The following ASIC2 variants were observed in gnomAD, a reference collection of about 807,000 sequenced individuals.
ASIC2 encodes acid sensing ion channel subunit 2, also known as acid-sensing ion channel 2.
Under a neutral mutation model 57.3 loss-of-function variants are expected in ASIC2, and 25 were observed. That is an observed-to-expected ratio of 0.44 (90% CI 0.32 to 0.61). The LOEUF (loss-of-function observed/expected upper bound fraction) is 0.61, where lower values mean the gene tolerates loss of function less well. ASIC2 is among the 20% of genes least tolerant of loss of function. ASIC2 has a pLI of 0.06. For missense variants in ASIC2, 641 were observed against 738.1 expected, an observed-to-expected ratio of 0.87 and a Z score of 1.52; for synonymous variants, 319 against 307.5, an observed-to-expected ratio of 1.04 and a Z score of -0.39.
intron 1 of ASIC2, among the ~76,000 whole-genome samples, chr17:33,867,703 C>T (rs111774871): frequency 4.3e-4 from 65 of 152,188 alleles, no homozygotes; most frequent in Non-Finnish European, 7.2e-4. Flanking sequence ...TGGAGCCCCA[C>T]GAAGAGGCCT....
At chr17:34,008,126 T>C (rs529885759) in intron 1 of ASIC2, among the ~76,000 whole-genome samples, 2 of 152,322 alleles carry the variant, frequency 1.3e-5, no homozygotes, top group South Asian at 4.2e-4. Flanking sequence ...TTTTTATTCA[T>C]CCCATTTTAC....
chr17:33,135,952 C>T (rs913831283), intron 1 of ASIC2, among the ~76,000 whole-genome samples: 2 of 152,352 alleles, frequency 1.3e-5, no homozygotes, highest in East Asian at 3.9e-4. Context: ...AGCCGTGACA[C>T]ATTTTATTTC....
At chr17:33,686,032 A>G (rs1309387566) in intron 1 of ASIC2, among the ~76,000 whole-genome samples, 1 of 152,094 alleles carries the variant, frequency 6.6e-6, no homozygotes, top group East Asian at 1.9e-4. Flanking sequence ...CTGTTTCCCC[A>G]CTTGACGACA....
At chr17:33,857,768 C>A (rs1190043503) in intron 1 of ASIC2, among the ~76,000 whole-genome samples, 3 of 152,230 alleles carry the variant, frequency 2.0e-5, no homozygotes, top group African/African-American at 7.2e-5. Flanking sequence ...TGATATCCAA[C>A]ATATCTCCTT....
intron 1 of ASIC2, among the ~76,000 whole-genome samples, chr17:33,283,329 G>A (rs1302763750): frequency 6.6e-6 from 1 of 152,166 alleles, no homozygotes; most frequent in African/African-American, 2.4e-5. Context: ...AAGCGAGTGT[G>A]GTTTGTGGAC....
intron 1 of ASIC2, among the ~76,000 whole-genome samples, chr17:33,334,849 G>A (rs145594317): frequency 6.6e-6 from 1 of 152,350 alleles, no homozygotes; most frequent in African/African-American, 2.4e-5. Context: ...GCTTTCAGCA[G>A]AAGATGGAGG....
chr17:33,070,226 T>C (rs1443296177), intron 3 of ASIC2, among the ~76,000 whole-genome samples: 1 of 152,232 alleles, frequency 6.6e-6, no homozygotes, highest in Non-Finnish European at 1.5e-5. Flanking sequence ...GTTCATAATA[T>C]GTTGTTATTA....
intron 3 of ASIC2, among the ~76,000 whole-genome samples, chr17:33,056,175 G>A (rs1362390180): frequency 6.6e-6 from 1 of 151,986 alleles, no homozygotes; most frequent in Non-Finnish European, 1.5e-5. Flanking sequence ...AGTTTTCTGG[G>A]GTATCTTTGG....
At chr17:33,964,741 G>A (rs1456547078) in intron 1 of ASIC2, among the ~76,000 whole-genome samples, 1 of 152,200 alleles carries the variant, frequency 6.6e-6, no homozygotes, top group Non-Finnish European at 1.5e-5. Flanking sequence ...CATTTGAAAG[G>A]GAAGTTTGTT....
chr17:33,346,473 A>AT (rs1247938355), intron 1 of ASIC2, among the ~76,000 whole-genome samples: 1 of 151,718 alleles, frequency 6.6e-6, no homozygotes, highest in Admixed American at 6.6e-5. Context: ...GATATTTGGG[A>AT]TTTTCTATGT....
chr17:33,274,167 GA>G (rs1164179271), intron 1 of ASIC2, among the ~76,000 whole-genome samples: 1 of 152,204 alleles, frequency 6.6e-6, no homozygotes, highest in African/African-American at 2.4e-5. Context: ...TCTCATCTAT[GA>G]AAATGGAATA....
intron 1 of ASIC2, among the ~76,000 whole-genome samples, chr17:34,117,381 G>A (rs1448109582): frequency 6.6e-6 from 1 of 152,204 alleles, no homozygotes; most frequent in Non-Finnish European, 1.5e-5. Flanking sequence ...CATATGGTTG[G>A]GGTTTTGACA....
intron 1 of ASIC2, among the ~76,000 whole-genome samples, chr17:33,782,289 T>G (rs1242662713): frequency 6.6e-6 from 1 of 152,148 alleles, no homozygotes; most frequent in African/African-American, 2.4e-5. Flanking sequence ...AAGTTTAACA[T>G]TTTTACATTT....
At chr17:33,466,416 C>T (rs569345306) in intron 1 of ASIC2, among the ~76,000 whole-genome samples, 3 of 152,172 alleles carry the variant, frequency 2.0e-5, no homozygotes, top group South Asian at 4.2e-4. Flanking sequence ...CCATACTGCC[C>T]AAGGTAATTT....
chr17:33,973,387 G>A (rs1434693667), intron 1 of ASIC2, among the ~76,000 whole-genome samples: 8 of 152,276 alleles, frequency 5.3e-5, no homozygotes, highest in East Asian at 1.9e-4. Context: ...TGTTGGGGGC[G>A]GGTGGAGAGG....
chr17:33,754,957 C>CAAA (rs58392305), intron 1 of ASIC2, among the ~76,000 whole-genome samples: 20,387 of 57,612 alleles, frequency 0.35, 4,695 homozygotes, highest in Non-Finnish European at 0.52. Flanking sequence ...GACTCCATCT[C>CAAA]AAAAAAAAAA....
At chr17:33,305,495 G>A (rs1906133274) in intron 1 of ASIC2, among the ~76,000 whole-genome samples, 1 of 152,216 alleles carries the variant, frequency 6.6e-6, no homozygotes, top group South Asian at 2.1e-4. Context: ...AATACTGGTA[G>A]CTAGAATGTA....
At chr17:33,543,071 G>A (rs955397115) in intron 1 of ASIC2, among the ~76,000 whole-genome samples, 6 of 146,382 alleles carry the variant, frequency 4.1e-5, no homozygotes, top group African/African-American at 1.5e-4. Flanking sequence ...TCACTTATAG[G>A]TGGGAATTGA....
chr17:33,877,415 C>T (rs1914576208), intron 1 of ASIC2, among the ~76,000 whole-genome samples: 1 of 152,214 alleles, frequency 6.6e-6, no homozygotes, highest in Admixed American at 6.5e-5. Context: ...GGGTCACTCC[C>T]ACCCTAGTAC....
Sources: gnomAD v4.1 joint callset for allele counts (sites outside exome capture counted in the v4.1 genomes callset) on GRCh38, gnomAD v4.1.1 for gene constraint, MANE v1.5 for transcripts, NCBI Gene and HGNC (gene_info 2026-07-23, HGNC 2026-07-21) for gene names.